LRRC42: variants seen among roughly 807,000 people sequenced by gnomAD.
LRRC42 encodes the protein leucine rich repeat containing 42, also known as leucine-rich repeat-containing protein 42.
In LRRC42, 43 loss-of-function variants were observed where a neutral mutation model predicts 44.3. The observed-to-expected ratio is 0.97, with a 90% CI of 0.76 to 1.25. The LOEUF is 1.25. LRRC42 is among the 50% of genes most tolerant of loss of function. The probability of loss-of-function intolerance (pLI) is 0.00; values close to 1 mark genes in which losing one functional copy is unlikely to be tolerated. For missense variants in LRRC42, 540 were observed against 509.1 expected (o/e 1.06, Z -0.58); for synonymous variants, 207 against 195.2 (o/e 1.06, Z -0.50).
chr1:53,949,276 T>A (rs1270315957), intron 2 of LRRC42, among the ~76,000 whole-genome samples: 1 of 152,070 alleles, frequency 6.6e-6, no homozygotes, highest in East Asian at 1.9e-4. Context: ...ACCCACCCCA[T>A]CCATCCATCC....
intron 2 of LRRC42, among the ~76,000 whole-genome samples, chr1:53,949,612 C>T (rs1654618135): frequency 6.6e-6 from 1 of 152,204 alleles, no homozygotes; most frequent in Non-Finnish European, 1.5e-5. Flanking sequence ...GATGCTCACC[C>T]CTACTGGAGG....
At chr1:53,952,645 C>G (rs913878462) in intron 3 of LRRC42, among the ~76,000 whole-genome samples, 173 bp downstream of exon 3, 3 of 152,206 alleles carry the variant, frequency 2.0e-5, no homozygotes, top group African/African-American at 7.2e-5. Context: ...CTCCTCACCT[C>G]TTAGATGACA....
At chr1:53,964,031 C>T (rs896507210) in intron 7 of LRRC42, among the ~76,000 whole-genome samples, 30 of 135,378 alleles carry the variant, frequency 2.2e-4, no homozygotes, top group African/African-American at 8.3e-4. Flanking sequence ...CTAGCTTGGT[C>T]CTCATTCCCC....
chr1:53,965,194 T>C (rs945212376), intron 7 of LRRC42, among the ~76,000 whole-genome samples: 1 of 151,594 alleles, frequency 6.6e-6, no homozygotes, highest in Non-Finnish European at 1.5e-5. Flanking sequence ...GGTTTGACCA[T>C]GTTGGCCAGC....
At chr1:53,952,562 A>C in intron 3 of LRRC42, 90 bp downstream of exon 3, 1 of 1,015,858 alleles carries the variant, frequency 9.8e-7, no homozygotes, top group Non-Finnish European at 1.4e-6. Flanking sequence ...GGCTTCCCTC[A>C]TCAAATAGCA....
In LRRC42 at chr1:53,960,350, C is replaced by G; in HGVS notation, c.606-6C>G. The G allele has an allele frequency of 6.3e-7, 1 of 1,597,010 alleles. No individual in the cohort carries two copies. The highest frequency in any genetic ancestry group is 8.5e-7 in the Non-Finnish European group (1 of 1,169,654). On this transcript the variant is annotated splice_polypyrimidine_tract_variant and splice_region_variant and intron_variant, in intron 4 of 8. Coordinates refer to ENST00000371370, the MANE Select transcript of LRRC42 (RefSeq NM_001256409.2). The stretch of plus-strand genomic sequence containing the variant: ...AGTAATTTATGTATGTACTTTGTTT[C>G]CCTAGTGTAACTCAGCTCCACCTGA...
rs779389556 is a variant in LRRC42 at position 53,962,032 on chromosome 1, A to C, written c.725-2A>C. The C allele has an allele frequency of 6.2e-7, 1 of 1,605,800 alleles. No individual in the cohort carries two copies. Among genetic ancestry groups the C allele is most frequent in the South Asian group, 1.1e-5 (1 of 90,130 alleles). ...GAATGCTACGTTGTTTTTGACATCT[A>C]GGTAACCCTGAGATCACAGATGCAG... On this transcript the variant is annotated splice_acceptor_variant, in intron 5 of 8. Coordinates refer to ENST00000371370, the MANE Select transcript of LRRC42 (RefSeq NM_001256409.2). LOFTEE classifies it high-confidence loss of function.
intron 3 of LRRC42, among the ~76,000 whole-genome samples, chr1:53,954,682 A>C (rs561709236): frequency 1.4e-4 from 22 of 152,218 alleles, no homozygotes; most frequent in Non-Finnish European, 2.6e-4. Flanking sequence ...CTTATAGCTT[A>C]ATATTTGCCA....
At chr1:53,967,260 C>G (rs1320296013) in intron 8 of LRRC42, among the ~76,000 whole-genome samples, 1 of 152,164 alleles carries the variant, frequency 6.6e-6, no homozygotes, top group Admixed American at 6.5e-5. Context: ...ATCCAGATTT[C>G]GAATAATGAA....
rs1374593573 is a variant in LRRC42 at position 53,952,181 on chromosome 1, A to G, written c.182A>G (p.Asp61Gly). 1 of 1,614,182 alleles carries G rather than the reference A, an allele frequency of 6.2e-7. No individual in the cohort carries two copies. Among genetic ancestry groups the G allele is most frequent in the South Asian group, 1.1e-5 (1 of 91,088 alleles). The part of the protein sequence containing the change: ...FSVELCMNRE[D>G]DTARKEKTDH... ...GTGGAGCTTTGCATGAACAGGGAAG[A>G]CGACACTGCACGGAAAGAGAAGACT... The change falls in exon 3 of 9, where the codon GAC (aspartate) becomes GGC (glycine). Residue 61 changes from aspartate (D) to glycine (G), a missense_variant. Asp to Gly is a moderately conservative substitution (Grantham distance 94, BLOSUM62 -1). Coordinates refer to ENST00000371370, the MANE Select transcript of LRRC42 (RefSeq NM_001256409.2).
chr1:53,951,938 C>T lies in LRRC42; in HGVS notation c.-14-48C>T, dbSNP rs892662618. Reference sequence around the variant, plus strand: ...CACAGCAAGATGAAGTTACATGTTACAAATGGCATTTTAATTGGATTTGCT... The same window carrying T: ...CACAGCAAGATGAAGTTACATGTTATAAATGGCATTTTAATTGGATTTGCT... On this transcript the variant is annotated intron_variant, in intron 2 of 8. Transcript: ENST00000371370. 3 of 1,405,980 alleles carry T rather than the reference C, an allele frequency of 2.1e-6. No individual in the cohort carries two copies. The African/African-American group carries it at 4.3e-5, about 20-fold the overall frequency. 87.1% of individuals were successfully genotyped at this position (1,405,980 alleles called of 1,614,324 possible). A position where few individuals can be genotyped will look rare whatever the true frequency, so the allele number is the denominator to read the frequency against.
intron 3 of LRRC42, among the ~76,000 whole-genome samples, chr1:53,953,641 G>C (rs192636040): frequency 1.5e-4 from 23 of 152,130 alleles, no homozygotes; most frequent in Admixed American, 1.1e-3. Flanking sequence ...TTACAGGCGT[G>C]AGCCACCACG....
chr1:53,967,744 G>C lies in LRRC42; in HGVS notation c.1092G>C (p.Gln364His). The C allele has an allele frequency of 6.2e-7, 1 of 1,614,144 alleles. No homozygotes were observed. Among genetic ancestry groups the C allele is most frequent in the East Asian group, 2.2e-5 (1 of 44,878 alleles). Residue 364 changes from glutamine to histidine, a missense_variant, in exon 9 of 9, where the codon CAG becomes CAC. Transcript: ENST00000371370. ...ACATGAACTCTTCCGAGAAACTCCAGTTCTATAAAGAGAAAGCCCCAGATT... is the reference window on the plus strand; with the variant it reads ...ACATGAACTCTTCCGAGAAACTCCACTTCTATAAAGAGAAAGCCCCAGATT... ...DTHMNSSEKL[Q>H]FYKEKAPDCH...
At chr1:53,957,422 C>T (rs577220121) in intron 3 of LRRC42, among the ~76,000 whole-genome samples, 4 of 152,330 alleles carry the variant, frequency 2.6e-5, no homozygotes, top group African/African-American at 9.6e-5. Flanking sequence ...GTGGAGGCCC[C>T]AGCCTGGGCT....
At position 53,967,654 on chromosome 1, in the gene LRRC42, T is replaced by G; in HGVS notation, c.1013-11T>G. 6.2e-7 allele frequency: 1 copy of G among 1,611,492 alleles called. No individual in the cohort carries two copies. The highest frequency in any genetic ancestry group is 8.5e-7 in the Non-Finnish European group (1 of 1,177,924). ...GTGTAGTGAACTCATCATCCCTCCCTTCTGTCACAGATGGGAAGCGGTCTC... is the reference window on the plus strand; with the variant it reads ...GTGTAGTGAACTCATCATCCCTCCCGTCTGTCACAGATGGGAAGCGGTCTC... On this transcript the variant is annotated splice_polypyrimidine_tract_variant and intron_variant, in intron 8 of 8. Transcript: ENST00000371370.
chr1:53,946,624 AGGGGCGGGGTG>A (rs1315953859), intron 1 of LRRC42, 75 bp downstream of exon 1: 1 of 22,330 alleles, frequency 4.5e-5, no homozygotes, highest in Admixed American at 3.4e-4. Flanking sequence ...GGTGTTAGGG[AGGGGCGGGGTG>A]GGGGAGGGGA....
chr1:53,957,169 A>G (rs918831866), intron 3 of LRRC42, among the ~76,000 whole-genome samples: 1 of 152,142 alleles, frequency 6.6e-6, no homozygotes, highest in Non-Finnish European at 1.5e-5. Context: ...GGCAGTTGTG[A>G]TCCTGCTGAT....
intron 3 of LRRC42, among the ~76,000 whole-genome samples, chr1:53,957,929 T>C (rs1407074959): frequency 6.6e-6 from 1 of 152,156 alleles, no homozygotes; most frequent in Admixed American, 6.5e-5. Context: ...TTTATTTATT[T>C]ATTCAAAATT....
Position 53,967,976 on chromosome 1 carries a change from C to A in LRRC42, c.*37C>A. 1 of 1,590,430 alleles carries A rather than the reference C, an allele frequency of 6.3e-7. No individual in the cohort carries two copies. The highest frequency in any genetic ancestry group is 8.6e-7 in the Non-Finnish European group (1 of 1,166,478). On this transcript the variant is annotated 3_prime_UTR_variant, in exon 9 of 9. Transcript: ENST00000371370. Reference sequence around the variant, plus strand: ...AAGTTGACCTTTCTCTGGCCCCCAGCTCTAGTGTTTGAGTAAAGGAGACTG... The same window carrying A: ...AAGTTGACCTTTCTCTGGCCCCCAGATCTAGTGTTTGAGTAAAGGAGACTG...
Sources: gnomAD v4.1 joint callset for allele counts (sites outside exome capture counted in the v4.1 genomes callset) on GRCh38, gnomAD v4.1.1 for gene constraint, MANE v1.5 for transcripts, NCBI Gene and HGNC (gene_info 2026-07-23, HGNC 2026-07-21) for gene names.